Variants in HERC3 observed in about 807,000 individuals in gnomAD.
The protein encoded by HERC3 is probable E3 ubiquitin-protein ligase HERC3.
HERC3 carries 58 observed loss-of-function variants against 129.9 expected under a neutral mutation model. The ratio of observed to expected loss-of-function variants is 0.45; its 90% confidence interval spans 0.36 to 0.56. The LOEUF (loss-of-function observed/expected upper bound fraction) is 0.56. HERC3 is among the 20% of genes least tolerant of loss of function. HERC3 has a pLI of 0.00. For synonymous variants in HERC3, 430 were observed against 451.0 expected (o/e 0.95, Z 0.59); for missense variants, 835 against 1,244.2 (o/e 0.67, Z 4.95).
At chr4:88,658,175 TGGC>T (rs1405341518) in intron 9 of HERC3, 1 of 325,166 alleles carries the variant, frequency 3.1e-6, no homozygotes. Context: ...CAGGATTCAC[TGGC>T]AGTTGGGGAG....
the HERC3 span, among the ~76,000 whole-genome samples, chr4:88,558,933 G>C: frequency 6.8e-6 from 1 of 146,716 alleles, no homozygotes; most frequent in Admixed American, 6.8e-5. Flanking sequence ...ATGCCACTGC[G>C]CTCCAGCCTG....
At position 88,663,187 on chromosome 4, in the gene HERC3, G is replaced by A. The variant is rs147808954; in HGVS notation, c.1271+632G>A. Among the ~76,000 whole-genome samples, 45 of 152,256 alleles carry A rather than the reference G, an allele frequency of 3.0e-4. 1 individual carries two copies. The East Asian group carries it at 6.0e-3, about 20-fold the overall frequency. On this transcript the variant is annotated intron_variant, in intron 11 of 25. Transcript: ENST00000402738. ...CTAAGTTGTGGTTATTCCCAGAAAC[G>A]TACATAATGGTTCCTGCATTATGAC...
At chr4:88,637,742 A>C (rs533813239) in intron 3 of HERC3, among the ~76,000 whole-genome samples, 10 of 152,320 alleles carry the variant, frequency 6.6e-5, no homozygotes, top group Admixed American at 5.9e-4. Flanking sequence ...AGAAATAACT[A>C]AGATCAGAGC....
At chr4:88,660,879 T>A (rs973023820) in intron 10 of HERC3, among the ~76,000 whole-genome samples, 1 of 152,158 alleles carries the variant, frequency 6.6e-6, no homozygotes, top group Admixed American at 6.5e-5. Flanking sequence ...TATGACTTGG[T>A]CATCAGGATT....
intron 10 of HERC3, among the ~76,000 whole-genome samples, chr4:88,658,769 G>A (rs1223797264): frequency 2.0e-5 from 3 of 152,106 alleles, no homozygotes; most frequent in African/African-American, 4.8e-5. Context: ...AGGATGCCTA[G>A]GGAGTTGGTG....
chr4:88,687,142 T>G lies in HERC3; in HGVS notation c.2575-75T>G, dbSNP rs1247343907. The G allele has an allele frequency of 3.6e-6, 4 of 1,101,220 alleles. No individual in the cohort carries two copies. The Admixed American group carries it at 7.8e-5, about 21-fold the overall frequency. The allele number at this position is 1,101,220 out of a possible 1,614,324, so 68.2% of individuals were successfully genotyped here. On this transcript the variant is annotated intron_variant, in intron 22 of 25. Coordinates refer to ENST00000402738, the MANE Select transcript of HERC3 (RefSeq NM_014606.3). ...AAACTACATTTGTTCCTAAAGCCTC[T>G]CTCAGTCATTTGAGTTCTAGAAAGA... is the stretch of plus-strand genomic sequence containing the variant.
intron 3 of HERC3, among the ~76,000 whole-genome samples, chr4:88,645,619 G>A (rs1298518396): frequency 6.6e-6 from 1 of 151,998 alleles, no homozygotes; most frequent in East Asian, 1.9e-4. Context: ...CTGATAACAG[G>A]GGCAGCTACT....
In HERC3 at chr4:88,592,528, G is replaced by A. The variant is rs1431544211; in HGVS notation, c.-134G>A. 9 of 152,402 alleles carry A rather than the reference G, an allele frequency of 5.9e-5. No homozygotes were observed. The highest frequency in any genetic ancestry group is 5.8e-4 in the East Asian group (3 of 5,168). 9.4% of individuals were successfully genotyped at this position (152,402 alleles called of 1,614,324 possible). A position where few individuals can be genotyped will look rare whatever the true frequency, so the allele number is the denominator to read the frequency against. On this transcript the variant is annotated 5_prime_UTR_variant, in exon 1 of 26. Transcript: ENST00000402738. ...GGAGAAACCCCGGGTCCGGCGAGAG[G>A]GGCTGTGACAGTCGGAGTCCCAAGC...
Position 88,676,250 on chromosome 4 carries a change from T to A in HERC3, c.1935+9T>A, listed in dbSNP as rs765999602. The A allele has an allele frequency of 1.3e-5, 20 of 1,569,908 alleles. No homozygotes were observed. In the Admixed American group the frequency reaches 3.3e-4, roughly 26 times the overall value. ...GACCATCAATAATACAGGTAAATGA[T>A]CCTTTTTAAATTTGCTTTTATATTT... is the stretch of plus-strand genomic sequence containing the variant. On this transcript the variant is annotated intron_variant, in intron 17 of 25. Transcript: ENST00000402738.
rs762345734 is a variant in HERC3 at position 88,605,786 on chromosome 4, C to G, written c.-29-9C>G. 1 of 1,508,208 alleles carries G rather than the reference C, an allele frequency of 6.6e-7. No homozygotes were observed. The highest frequency in any genetic ancestry group is 1.8e-5 in the Admixed American group (1 of 56,518). The allele number at this position is 1,508,208 out of a possible 1,614,324, so 93.4% of individuals were successfully genotyped here. ...AATTAAAAAATAATTTTTTTAAACTCTCTCCTAGGCTACATGATTCCCTGA... is the reference window on the plus strand; with the variant it reads ...AATTAAAAAATAATTTTTTTAAACTGTCTCCTAGGCTACATGATTCCCTGA... On this transcript the variant is annotated splice_polypyrimidine_tract_variant and intron_variant, in intron 2 of 25. Coordinates refer to ENST00000402738, the MANE Select transcript of HERC3 (RefSeq NM_014606.3).
chr4:88,640,081 A>T (rs1727906560), intron 3 of HERC3, among the ~76,000 whole-genome samples: 1 of 152,304 alleles, frequency 6.6e-6, no homozygotes, highest in Non-Finnish European at 1.5e-5. Context: ...GAAACAATAG[A>T]TGCTGGCGAG....
chr4:88,674,012 A>G (rs2149306714), intron 16 of HERC3, among the ~76,000 whole-genome samples: 1 of 152,254 alleles, frequency 6.6e-6, no homozygotes, highest in Non-Finnish European at 1.5e-5. Flanking sequence ...TAACTGAGGC[A>G]GTTTTGGATT....
the HERC3 span, among the ~76,000 whole-genome samples, chr4:88,575,688 T>C: frequency 1.3e-5 from 2 of 152,252 alleles, no homozygotes; most frequent in Non-Finnish European, 2.9e-5. Flanking sequence ...AGATATTAAC[T>C]TATCACTATC....
the HERC3 span, among the ~76,000 whole-genome samples, chr4:88,574,768 A>C: frequency 9.8e-5 from 15 of 152,292 alleles, no homozygotes; most frequent in African/African-American, 3.6e-4. Flanking sequence ...TCGAAGGCCG[A>C]ATATTCCATT....
chr4:88,693,076 T>A, intron 23 of HERC3: 1 of 979,608 alleles, frequency 1.0e-6, no homozygotes, highest in Non-Finnish European at 1.2e-6. Flanking sequence ...TATTTCAGAG[T>A]ACTCATGAAT....
chr4:88,678,304 G>A (rs1483115609), intron 19 of HERC3, among the ~76,000 whole-genome samples, 170 bp downstream of exon 19: 1 of 152,178 alleles, frequency 6.6e-6, no homozygotes, highest in East Asian at 1.9e-4. Context: ...ACACCTCAAT[G>A]TAACATTGGA....
chr4:88,532,874 T>C, the HERC3 span, among the ~76,000 whole-genome samples: 1 of 152,228 alleles, frequency 6.6e-6, no homozygotes, highest in Non-Finnish European at 1.5e-5. Context: ...TTACCTCTTG[T>C]ACTAATCCCA....
At chr4:88,677,889 C>T (rs1170956313) in intron 18 of HERC3, 75 bp from the exon 19 acceptor site, 10 of 1,394,414 alleles carry the variant, frequency 7.2e-6, no homozygotes, top group Non-Finnish European at 9.9e-6. Flanking sequence ...CCCCCAAGTC[C>T]AGAAGCACAG....
At chr4:88,583,305 G>A in the HERC3 span, among the ~76,000 whole-genome samples, 1 of 151,998 alleles carries the variant, frequency 6.6e-6, no homozygotes, top group African/African-American at 2.4e-5. Flanking sequence ...GCATGGTGGT[G>A]GGTGCCTGTA....
Sources: gnomAD v4.1 joint callset for allele counts (sites outside exome capture counted in the v4.1 genomes callset) on GRCh38, gnomAD v4.1.1 for gene constraint, MANE v1.5 for transcripts, NCBI Gene and HGNC (gene_info 2026-07-23, HGNC 2026-07-21) for gene names.